Variants in RIPOR3 observed in about 807,000 individuals in gnomAD.
RIPOR3 encodes the protein RIPOR family member 3, also known as family with sequence similarity 65 member C.
RIPOR3 carries 95 observed loss-of-function variants against 114.3 expected under a neutral mutation model. The ratio of observed to expected loss-of-function variants is 0.83; its 90% CI spans 0.70 to 0.99. RIPOR3 has a LOEUF of 0.99. Ranked by LOEUF, RIPOR3 falls within the 50% of genes least tolerant of loss-of-function variation. The pLI, the probability that RIPOR3 is intolerant of heterozygous loss-of-function variation, is 0.00. For missense variants in RIPOR3, 1,252 were observed against 1,266.9 expected (o/e 0.99, Z 0.18); for synonymous variants, 575 against 543.8 (o/e 1.06, Z -0.80).
At chr20:50,611,137 T>C in intron 5 of RIPOR3, 44 bp downstream of exon 5, 1 of 1,613,996 alleles carries the variant, frequency 6.2e-7, no homozygotes, top group Non-Finnish European at 8.5e-7. Flanking sequence ...GTCATTCTCA[T>C]CCAGCCAGGC....
chr20:50,593,254 C>A, intron 17 of RIPOR3, 58 bp from the exon 18 acceptor site: 1 of 1,571,146 alleles, frequency 6.4e-7, no homozygotes, highest in South Asian at 1.1e-5. Context: ...CCACGCTTCT[C>A]AGCTGGGAGT....
intron 15 of RIPOR3, among the ~76,000 whole-genome samples, chr20:50,595,826 T>C (rs1434715796): frequency 6.6e-6 from 1 of 152,224 alleles, no homozygotes; most frequent in Non-Finnish European, 1.5e-5. Flanking sequence ...AGCCTACCTC[T>C]GAGGCTTTCA....
intron 1 of RIPOR3, among the ~76,000 whole-genome samples, chr20:50,652,118 G>A (rs999158152): frequency 6.6e-6 from 1 of 152,220 alleles, no homozygotes; most frequent in African/African-American, 2.4e-5. Context: ...TCTTTCTCTT[G>A]ATCTACATGA....
rs2087207077 is a variant in RIPOR3, at chr20:50,691,326, C to T, written c.-198G>A. 4 of 538,036 alleles carry T rather than the reference C, an allele frequency of 7.4e-6. No individual in the cohort carries two copies. Among genetic ancestry groups the T allele is most frequent in the Non-Finnish European group, 8.9e-6 (3 of 338,076 alleles). 33.3% of individuals were successfully genotyped at this position (538,036 alleles called of 1,614,324 possible). ...GGAAGATCGCCTTGAGGACCTGCTG[C>T]GCCCCGAGTCTTCCTTCTGGTGCAG... On this transcript the variant is annotated 5_prime_UTR_variant, in exon 1 of 22. Coordinates refer to ENST00000327979, the MANE Select transcript of RIPOR3 (RefSeq NM_001290268.2).
chr20:50,600,580 G>A (rs990404889), intron 13 of RIPOR3, among the ~76,000 whole-genome samples: 2 of 152,148 alleles, frequency 1.3e-5, no homozygotes, highest in African/African-American at 4.8e-5. Flanking sequence ...GCAACAAAGT[G>A]AGAACTCGTC....
intron 20 of RIPOR3, among the ~76,000 whole-genome samples, chr20:50,588,241 C>A (rs545198298): frequency 6.6e-6 from 1 of 152,374 alleles, no homozygotes; most frequent in African/African-American, 2.4e-5. Context: ...CCAGGACAGC[C>A]TGTGCCAGTA....
At chr20:50,630,258 G>A (rs748179481) in intron 2 of RIPOR3, among the ~76,000 whole-genome samples, 1 of 152,092 alleles carries the variant, frequency 6.6e-6, no homozygotes, top group Non-Finnish European at 1.5e-5. Flanking sequence ...ATGAGCCACC[G>A]TGCCCAGCCC....
chr20:50,605,983 C>T (rs1053603852), intron 11 of RIPOR3, among the ~76,000 whole-genome samples: 4 of 151,664 alleles, frequency 2.6e-5, no homozygotes, highest in Admixed American at 6.6e-5. Context: ...GTGGGTGGAT[C>T]GCCTGAGGTC....
intron 16 of RIPOR3, 60 bp from the exon 17 acceptor site, chr20:50,594,774 C>G (rs6091179): frequency 5.8e-6 from 9 of 1,553,968 alleles, no homozygotes; most frequent in Non-Finnish European, 7.0e-6. Context: ...GACAAGGACC[C>G]GAAAGGTTTC....
At chr20:50,620,298 G>C (rs1230625832) in intron 2 of RIPOR3, among the ~76,000 whole-genome samples, 166 bp from the exon 3 acceptor site, 1 of 152,140 alleles carries the variant, frequency 6.6e-6, no homozygotes, top group African/African-American at 2.4e-5. Context: ...GAAAGTTATG[G>C]AGCCTCTCTG....
At chr20:50,643,030 A>G (rs982863500) in intron 1 of RIPOR3, among the ~76,000 whole-genome samples, 3 of 151,958 alleles carry the variant, frequency 2.0e-5, no homozygotes, top group Non-Finnish European at 2.9e-5. Context: ...ACTGGGCAAC[A>G]AGACCGAAAC....
At chr20:50,677,234 G>T (rs1237892732) in intron 1 of RIPOR3, among the ~76,000 whole-genome samples, 1 of 152,052 alleles carries the variant, frequency 6.6e-6, no homozygotes, top group Non-Finnish European at 1.5e-5. Flanking sequence ...CCCATAGATA[G>T]GTCATTTTCT....
chr20:50,684,304 C>A (rs956158131), intron 1 of RIPOR3, among the ~76,000 whole-genome samples: 2 of 152,228 alleles, frequency 1.3e-5, no homozygotes, highest in African/African-American at 4.8e-5. Flanking sequence ...AAGACCTGCG[C>A]GATATGAACA....
intron 2 of RIPOR3, among the ~76,000 whole-genome samples, chr20:50,621,856 C>T (rs1275457115): frequency 6.6e-6 from 1 of 152,174 alleles, no homozygotes; most frequent in South Asian, 2.1e-4. Flanking sequence ...ATCCTAAAAA[C>T]TGCCTTTCAG....
chr20:50,595,808 G>T (rs570669074), intron 15 of RIPOR3, among the ~76,000 whole-genome samples: 1 of 152,192 alleles, frequency 6.6e-6, no homozygotes, highest in African/African-American at 2.4e-5. Context: ...GCATCCAGCC[G>T]AGCCTGAAGC....
At chr20:50,643,651 A>G (rs2085284372) in intron 1 of RIPOR3, among the ~76,000 whole-genome samples, 1 of 151,806 alleles carries the variant, frequency 6.6e-6, no homozygotes, top group Middle Eastern at 3.2e-3. Flanking sequence ...TTAGCTGAGC[A>G]TGGTGGTATG....
Position 50,604,689 on chromosome 20 carries a change from A to T in RIPOR3, c.1042T>A (p.Trp348Arg), listed in dbSNP as rs774403732. 6.2e-7 allele frequency: 1 copy of T among 1,609,286 alleles called. No individual in the cohort carries two copies. The highest frequency in any genetic ancestry group is 1.7e-5 in the Admixed American group (1 of 58,686). The change falls in exon 12 of 22, where the codon TGG becomes AGG. Residue 348 changes from tryptophan to arginine, a missense_variant. Physicochemically the swap from Trp to Arg is moderately radical, Grantham distance 101 (BLOSUM62 -3). Transcript: ENST00000327979. Reference protein sequence around the residue: ...MGSRKGSLYNWTPPSTPSFRE... With the variant: ...MGSRKGSLYNRTPPSTPSFRE... ...AAGCTGGGGGTGCTCGGGGGTGTCC[A>T]GTTGTACAAGGAGCCCTTCCTGCTG...
At chr20:50,604,293 G>A (rs1275924691) in intron 12 of RIPOR3, among the ~76,000 whole-genome samples, 1 of 152,218 alleles carries the variant, frequency 6.6e-6, no homozygotes, top group Non-Finnish European at 1.5e-5. Flanking sequence ...GTATTAAGGA[G>A]GGGACCCTGA....
chr20:50,691,325 G>A lies in RIPOR3; in HGVS notation c.-197C>T. ...GGGAAGATCGCCTTGAGGACCTGCTGCGCCCCGAGTCTTCCTTCTGGTGCA... is the reference window on the plus strand; with the variant it reads ...GGGAAGATCGCCTTGAGGACCTGCTACGCCCCGAGTCTTCCTTCTGGTGCA... On this transcript the variant is annotated 5_prime_UTR_variant, in exon 1 of 22. Coordinates refer to ENST00000327979, the MANE Select transcript of RIPOR3 (RefSeq NM_001290268.2). 1 of 555,116 alleles carries A rather than the reference G, an allele frequency of 1.8e-6. No homozygotes were observed. Among genetic ancestry groups the A allele is most frequent in the Non-Finnish European group, 2.8e-6 (1 of 351,968 alleles). The allele number at this position is 555,116 out of a possible 1,614,324, so 34.4% of individuals were successfully genotyped here.
Sources: gnomAD v4.1 joint callset for allele counts (sites outside exome capture counted in the v4.1 genomes callset) on GRCh38, gnomAD v4.1.1 for gene constraint, MANE v1.5 for transcripts, NCBI Gene and HGNC (gene_info 2026-07-23, HGNC 2026-07-21) for gene names.